The following LRMDA variants were observed in gnomAD, a reference collection of about 807,000 sequenced individuals.
The protein encoded by LRMDA is leucine-rich melanocyte differentiation-associated protein.
In LRMDA, 18 loss-of-function variants were observed where a neutral mutation model predicts 29.8. The observed-to-expected ratio is 0.60, with a 90% confidence interval of 0.42 to 0.90. LRMDA has a LOEUF of 0.90. Among genes scored for constraint, LRMDA ranks in the 40% least tolerant of loss-of-function variants. LRMDA has a pLI of 0.00. For synonymous variants in LRMDA, 125 were observed against 109.4 expected, an observed-to-expected ratio of 1.14 and a Z score of -0.89; for missense variants, 273 against 273.9, an observed-to-expected ratio of 1.00 and a Z score of 0.02.
intron 6 of LRMDA, among the ~76,000 whole-genome samples, chr10:76,460,591 C>T (rs377347231): frequency 1.3e-5 from 2 of 152,188 alleles, no homozygotes; most frequent in East Asian, 1.9e-4. Flanking sequence ...CAGTAAAAGT[C>T]GTAATAGCAA....
chr10:76,458,220 C>G (rs1842477928), intron 6 of LRMDA, among the ~76,000 whole-genome samples: 3 of 151,896 alleles, frequency 2.0e-5, no homozygotes. Flanking sequence ...AGTCACCCCT[C>G]TCCTCCAGAC....
intron 2 of LRMDA, among the ~76,000 whole-genome samples, chr10:75,923,809 C>T (rs1446138283): frequency 1.3e-5 from 2 of 152,062 alleles, no homozygotes; most frequent in African/African-American, 4.8e-5. Flanking sequence ...TAGGGATTCC[C>T]TTTTTTGCAC....
In LRMDA at chr10:75,680,509, T is replaced by G. The variant is rs978411835; in HGVS notation, c.131+242015T>G. Among the ~76,000 whole-genome samples, 3 of 151,872 alleles carry G rather than the reference T, an allele frequency of 2.0e-5. 1 individual carries two copies. The highest frequency in any genetic ancestry group is 7.3e-5 in the African/African-American group (3 of 41,232). The stretch of plus-strand genomic sequence containing the variant: ...TTACTTTTCATATATATATATATAT[T>G]TCTCTTCCTATCTACTCCAGCACAT... On this transcript the variant is annotated intron_variant, in intron 2 of 6. Coordinates refer to ENST00000611255, the MANE Select transcript of LRMDA (RefSeq NM_001305581.2).
chr10:76,538,557 C>T (rs113935717), intron 6 of LRMDA, among the ~76,000 whole-genome samples: 85 of 122,058 alleles, frequency 7.0e-4, no homozygotes, highest in East Asian at 2.1e-3. Context: ...TATATATATA[C>T]ACACACACAC....
chr10:76,415,302 T>A (rs1390097427), intron 6 of LRMDA, among the ~76,000 whole-genome samples: 1 of 152,218 alleles, frequency 6.6e-6, no homozygotes, highest in Non-Finnish European at 1.5e-5. Flanking sequence ...TCCTGCCTTG[T>A]TTAAGACCTG....
intron 2 of LRMDA, among the ~76,000 whole-genome samples, chr10:75,454,731 A>G (rs1258533852): frequency 6.6e-6 from 1 of 152,140 alleles, no homozygotes; most frequent in East Asian, 1.9e-4. Context: ...TATCACAGAG[A>G]GCTAACCATT....
At chr10:75,659,374 T>G (rs1841720572) in intron 2 of LRMDA, among the ~76,000 whole-genome samples, 1 of 152,232 alleles carries the variant, frequency 6.6e-6, no homozygotes, top group South Asian at 2.1e-4. Flanking sequence ...TTTTTTTCTT[T>G]CTTCCCCAGC....
At chr10:76,120,470 G>A (rs1218314113) in intron 5 of LRMDA, among the ~76,000 whole-genome samples, 3 of 152,086 alleles carry the variant, frequency 2.0e-5, no homozygotes, top group Non-Finnish European at 4.4e-5. Flanking sequence ...TTACAGGCGT[G>A]AGTCACCATG....
intron 2 of LRMDA, among the ~76,000 whole-genome samples, chr10:75,846,901 A>C (rs1357959422): frequency 6.6e-6 from 1 of 152,212 alleles, no homozygotes; most frequent in East Asian, 1.9e-4. Context: ...ATAGATTGGA[A>C]AATTTAATAC....
intron 2 of LRMDA, among the ~76,000 whole-genome samples, chr10:75,924,386 T>G (rs1846082484): frequency 6.6e-6 from 1 of 152,196 alleles, no homozygotes; most frequent in Non-Finnish European, 1.5e-5. Context: ...GCAAGCCCCA[T>G]AAAAAAGCAA....
intron 5 of LRMDA, among the ~76,000 whole-genome samples, chr10:76,121,128 C>T (rs1216935176): frequency 6.7e-6 from 1 of 149,958 alleles, no homozygotes. Context: ...TTTGCCAGCT[C>T]TAGGAAATGG....
intron 2 of LRMDA, among the ~76,000 whole-genome samples, chr10:75,783,660 T>A (rs980885208): frequency 6.6e-6 from 1 of 152,180 alleles, no homozygotes; most frequent in Admixed American, 6.5e-5. Flanking sequence ...ATTAACCTTT[T>A]TGAGTCTGTT....
At chr10:76,217,801 A>T (rs114886224) in intron 5 of LRMDA, among the ~76,000 whole-genome samples, 155 of 152,268 alleles carry the variant, frequency 1.0e-3, no homozygotes, top group African/African-American at 3.6e-3. Context: ...CCCATATTAA[A>T]TACAAACAGT....
intron 5 of LRMDA, among the ~76,000 whole-genome samples, chr10:76,150,084 G>A (rs1850410258): frequency 6.6e-6 from 1 of 152,176 alleles, no homozygotes; most frequent in South Asian, 2.1e-4. Flanking sequence ...CTCCTTGGGG[G>A]GAAGTTTCCT....
chr10:76,321,814 A>G (rs1840774894), intron 5 of LRMDA, among the ~76,000 whole-genome samples: 1 of 152,056 alleles, frequency 6.6e-6, no homozygotes, highest in Non-Finnish European at 1.5e-5. Flanking sequence ...ATATGATGGC[A>G]CGTGCCTGTA....
intron 6 of LRMDA, among the ~76,000 whole-genome samples, chr10:76,542,295 T>C (rs1843366455): frequency 6.6e-6 from 1 of 152,242 alleles, no homozygotes; most frequent in Admixed American, 6.5e-5. Context: ...TGTTGAAAGA[T>C]CATTTTGTCT....
intron 2 of LRMDA, among the ~76,000 whole-genome samples, chr10:75,503,367 G>T (rs1455032176): frequency 6.6e-6 from 1 of 152,110 alleles, no homozygotes; most frequent in Non-Finnish European, 1.5e-5. Flanking sequence ...TGCTGTATGT[G>T]TGTGCAGGGC....
At chr10:75,746,729 G>A (rs117882171) in intron 2 of LRMDA, among the ~76,000 whole-genome samples, 7 of 151,970 alleles carry the variant, frequency 4.6e-5, no homozygotes, top group African/African-American at 1.5e-4. Context: ...GCTATTTTTG[G>A]GGGGGGAGCT....
At chr10:76,008,974 T>A (rs530886075) in intron 2 of LRMDA, among the ~76,000 whole-genome samples, 4 of 152,328 alleles carry the variant, frequency 2.6e-5, no homozygotes, top group Admixed American at 6.5e-5. Context: ...ATCAAGTTCC[T>A]TGTCCAAAAT....
Sources: gnomAD v4.1 joint callset for allele counts (sites outside exome capture counted in the v4.1 genomes callset) on GRCh38, gnomAD v4.1.1 for gene constraint, MANE v1.5 for transcripts, NCBI Gene and HGNC (gene_info 2026-07-23, HGNC 2026-07-21) for gene names.